The following SPI1 variants were observed in gnomAD, a reference collection of about 807,000 sequenced individuals.
SPI1 encodes the protein transcription factor PU.1.
Under a neutral mutation model 30.7 loss-of-function variants are expected in SPI1, and 3 were observed. That is an observed-to-expected ratio of 0.10 (90% CI 0.04 to 0.25). The LOEUF is 0.25. SPI1 is among the 10% of genes least tolerant of loss of function. The pLI, the probability that SPI1 is intolerant of heterozygous loss-of-function variation, is 1.00. For missense variants in SPI1, 261 were observed against 371.5 expected (o/e 0.70, Z 2.45); for synonymous variants, 169 against 157.1 (o/e 1.08, Z -0.56).
intron 1 of SPI1, 100 bp downstream of exon 1, chr11:47,378,209 G>T: frequency 7.7e-7 from 1 of 1,295,824 alleles, no homozygotes; most frequent in Non-Finnish European, 1.1e-6. Flanking sequence ...CCCACTGATA[G>T]CAAGCCAGGA....
intron 2 of SPI1, among the ~76,000 whole-genome samples, chr11:47,362,060 C>T (rs1013321786): frequency 1.3e-5 from 2 of 152,174 alleles, no homozygotes; most frequent in Non-Finnish European, 2.9e-5. Context: ...CCATTTACCA[C>T]TGTGTGACAA....
rs538628806 is a variant in SPI1, at chr11:47,356,942, G to A, written c.494-1396C>T. ...CACACACCTCACACCATTCACTCAC[G>A]CACACACCCACTCACACATGCTCAC... On this transcript the variant is annotated intron_variant, in intron 4 of 4. Transcript: ENST00000378538. Among the ~76,000 whole-genome samples the A allele has an allele frequency of 1.9e-3, 280 of 146,500 alleles. 1 individual carries two copies. Among genetic ancestry groups the A allele is most frequent in the African/African-American group, 5.4e-3 (212 of 39,590 alleles).
At chr11:47,357,974 G>A (rs556150222) in intron 4 of SPI1, among the ~76,000 whole-genome samples, 7 of 149,350 alleles carry the variant, frequency 4.7e-5, no homozygotes, top group Non-Finnish European at 8.9e-5. Context: ...GCTTAAGCAC[G>A]TCCTCACCCC....
intron 2 of SPI1, among the ~76,000 whole-genome samples, chr11:47,364,442 TG>T (rs1222919612): frequency 6.6e-6 from 1 of 152,152 alleles, no homozygotes; most frequent in African/African-American, 2.4e-5. Flanking sequence ...CCTGGGGCTC[TG>T]GGATTTGGTG....
intron 4 of SPI1, among the ~76,000 whole-genome samples, chr11:47,356,280 ATGCT>A (rs1276823131): frequency 2.0e-5 from 3 of 149,516 alleles, no homozygotes; most frequent in African/African-American, 7.4e-5. Context: ...ACCCACTCAC[ATGCT>A]TGCACCCACC....
chr11:47,356,847 C>T (rs977500020), intron 4 of SPI1, among the ~76,000 whole-genome samples: 17 of 150,846 alleles, frequency 1.1e-4, no homozygotes, highest in African/African-American at 2.9e-4. Flanking sequence ...GCCCCACACG[C>T]ACACACCTGC....
chr11:47,364,197 C>T (rs1254193781), intron 2 of SPI1, among the ~76,000 whole-genome samples: 1 of 151,676 alleles, frequency 6.6e-6, no homozygotes, highest in East Asian at 2.0e-4. Flanking sequence ...CTACAGGTGC[C>T]TGCCACCACG....
In SPI1 at chr11:47,359,133, TGGA is replaced by T. The variant is rs1037150322; in HGVS notation, c.331-130_331-128del. ...GGGGACAATGGCAGGCACAGGAGAC[TGGA>T]GGAAGAAGACCAGGGAAAAGGGGGG... On this transcript the variant is annotated intron_variant, in intron 3 of 4. Transcript: ENST00000378538. This position sits in a 1 kb window ranked among gnomAD's most constrained non-coding sequence, Gnocchi z 5.1. 13 of 648,954 alleles carry T rather than the reference TGGA, an allele frequency of 2.0e-5. No homozygotes were observed. The highest frequency in any genetic ancestry group is 5.3e-5 in the African/African-American group (1 of 18,736). The allele number at this position is 648,954 out of a possible 1,614,324, so 40.2% of individuals were successfully genotyped here.
At chr11:47,369,353 C>T (rs2095932582) in intron 2 of SPI1, among the ~76,000 whole-genome samples, 1 of 152,024 alleles carries the variant, frequency 6.6e-6, no homozygotes, top group Non-Finnish European at 1.5e-5. Context: ...TCTCTGTTGC[C>T]ACCACCCTTG....
chr11:47,355,255 A>G lies in SPI1; in HGVS notation c.785T>C (p.Leu262Pro). The stretch of plus-strand genomic sequence containing the variant: ...GTGGGGCGGGTGGCGCCGCTCGGCC[A>G]GGCCCCCGCGGCCCAGCACTTCGCC... ...FSGEVLGRGG[L>P]AERRHPPH Residue 262 changes from leucine to proline, a missense_variant, in exon 5 of 5, where the codon CTG becomes CCG. By Grantham distance (98) the Leu-to-Pro change is moderately conservative. Coordinates refer to ENST00000378538, the MANE Select transcript of SPI1 (RefSeq NM_003120.3). 2 of 1,475,456 alleles carry G rather than the reference A, an allele frequency of 1.4e-6. No homozygotes were observed. The highest frequency in any genetic ancestry group is 1.8e-6 in the Non-Finnish European group (2 of 1,114,880). The allele number at this position is 1,475,456 out of a possible 1,614,324, so 91.4% of individuals were successfully genotyped here.
chr11:47,358,222 C>G (rs952295305), intron 4 of SPI1: 4 of 324,718 alleles, frequency 1.2e-5, no homozygotes, highest in Non-Finnish European at 2.4e-5. Flanking sequence ...TCACACACAT[C>G]CCTGCTTACA....
Position 47,354,887 on chromosome 11 carries a change from T to C in SPI1, c.*340A>G. The stretch of plus-strand genomic sequence containing the variant: ...GATTGAGAATAACTTTACTTGTTTT[T>C]TGGGAGGAGGTTAATGGGTGGGAGG... On this transcript the variant is annotated 3_prime_UTR_variant, in exon 5 of 5. Coordinates refer to ENST00000378538, the MANE Select transcript of SPI1 (RefSeq NM_003120.3). 1 of 222,590 alleles carries C rather than the reference T, an allele frequency of 4.5e-6. No individual in the cohort carries two copies. The highest frequency in any genetic ancestry group is 8.8e-6 in the Non-Finnish European group (1 of 113,078). 13.8% of individuals were successfully genotyped at this position (222,590 alleles called of 1,614,324 possible).
intron 2 of SPI1, among the ~76,000 whole-genome samples, chr11:47,373,702 A>G (rs931325726): frequency 6.6e-6 from 1 of 151,796 alleles, no homozygotes; most frequent in Non-Finnish European, 1.5e-5. Context: ...AGTGATTAAG[A>G]GTGGGACAGA....
chr11:47,355,739 GGCGTTCA>G (rs2095907348), intron 4 of SPI1, among the ~76,000 whole-genome samples, 193 bp from the exon 5 acceptor site: 3 of 150,146 alleles, frequency 2.0e-5, no homozygotes, highest in Non-Finnish European at 4.4e-5. Flanking sequence ...CGCACACACA[GGCGTTCA>G]CACACACCCA....
chr11:47,364,635 C>T (rs942249200), intron 2 of SPI1, among the ~76,000 whole-genome samples: 92 of 152,154 alleles, frequency 6.0e-4, no homozygotes, highest in African/African-American at 2.2e-3. Context: ...GCATGCACCC[C>T]TTAGGTGTGG....
chr11:47,355,644 C>G (rs998267570), intron 4 of SPI1, 98 bp from the exon 5 acceptor site: 1 of 1,106,296 alleles, frequency 9.0e-7, no homozygotes, highest in African/African-American at 1.6e-5. Flanking sequence ...ACGGGGTGGC[C>G]GGGAAGGGCA....
chr11:47,369,560 G>GAGGGA (rs113307275), intron 2 of SPI1, among the ~76,000 whole-genome samples: 1 of 137,562 alleles, frequency 7.3e-6, no homozygotes, highest in African/African-American at 2.7e-5. Context: ...GAGAGAGAGA[G>GAGGGA]AAAAAAAAAA....
chr11:47,363,794 C>T (rs1302622388), intron 2 of SPI1, among the ~76,000 whole-genome samples: 2 of 151,250 alleles, frequency 1.3e-5, no homozygotes, highest in African/African-American at 4.8e-5. Context: ...GAAACCCCGT[C>T]TCTACAAAAA....
At chr11:47,376,764 G>A (rs1001326038) in intron 1 of SPI1, among the ~76,000 whole-genome samples, 4 of 152,150 alleles carry the variant, frequency 2.6e-5, no homozygotes, top group Non-Finnish European at 5.9e-5. Flanking sequence ...CGCAGCGTGT[G>A]GCCCAGGATT....
Sources: gnomAD v4.1 joint callset for allele counts (sites outside exome capture counted in the v4.1 genomes callset) on GRCh38, gnomAD v4.1.1 for gene constraint, Gnocchi (gnomAD v3.1) non-coding constraint, MANE v1.5 for transcripts, NCBI Gene and HGNC (gene_info 2026-07-23, HGNC 2026-07-21) for gene names.